Variants in PLK1 observed in about 807,000 individuals in gnomAD.
PLK1 encodes the protein serine/threonine-protein kinase PLK1.
In PLK1, 6 loss-of-function variants were observed where a neutral mutation model predicts 56.7. That is an observed-to-expected ratio of 0.11 (90% confidence interval 0.06 to 0.21). The LOEUF (loss-of-function observed/expected upper bound fraction) is 0.21. Among genes scored for constraint, PLK1 ranks in the 10% least tolerant of loss-of-function variants. The probability of loss-of-function intolerance (pLI) is 1.00; values close to 1 mark genes in which losing one functional copy is unlikely to be tolerated. For synonymous variants in PLK1, 298 were observed against 325.0 expected, an observed-to-expected ratio of 0.92 and a Z score of 0.89; for missense variants, 546 against 814.4, an observed-to-expected ratio of 0.67 and a Z score of 4.01.
At position 23,679,304 on chromosome 16, in the gene PLK1, C is replaced by T. The variant is rs1389753273; in HGVS notation, c.372C>T (p.Asp124=). Residue 124 remains aspartate (D), a synonymous_variant, in exon 1 of 10, where the codon GAC becomes GAT. Coordinates refer to ENST00000300093, the MANE Select transcript of PLK1 (RefSeq NM_005030.6). ...TCCACGGCTTTTTCGAGGACAACGA[C>T]TTCGTGTTCGTGGTGTTGGAGCTCT... The part of the protein sequence containing the change: ...VGFHGFFEDN[D]FVFVVLELCR... 3 of 1,613,710 alleles carry T rather than the reference C, an allele frequency of 1.9e-6. No individual in the cohort carries two copies. In the South Asian group the frequency reaches 3.3e-5, roughly 18 times the overall value.
At chr16:23,687,107 G>C (rs897869367) in intron 5 of PLK1, 5 of 165,262 alleles carry the variant, frequency 3.0e-5, no homozygotes, top group Admixed American at 1.3e-4. Flanking sequence ...AATCCATTCT[G>C]TGGATGAACT....
intron 7 of PLK1, 136 bp downstream of exon 7, chr16:23,688,881 C>G: frequency 1.4e-6 from 1 of 694,992 alleles, no homozygotes; most frequent in Non-Finnish European, 2.6e-6. Context: ...CCTCCCAGTT[C>G]CAGCTCCCAG....
In PLK1 at chr16:23,683,013, T is replaced by C. The variant is rs1463088369; in HGVS notation, c.816+856T>C. On this transcript the variant is annotated intron_variant, in intron 4 of 9. Transcript: ENST00000300093. ...TTTTTTTTTTTTTTTTTTTTTGAGA[T>C]GGAGTCTCGCTCTGTCGCCCAGGCT... Among the ~76,000 whole-genome samples the C allele has an allele frequency of 3.1e-5, 4 of 128,564 alleles. 1 individual carries two copies. The highest frequency in any genetic ancestry group is 2.6e-4 in the Admixed American group (3 of 11,546). 84.3% of individuals were successfully genotyped at this position (128,564 alleles called of 152,430 possible).
intron 7 of PLK1, 143 bp downstream of exon 7, chr16:23,688,888 C>G: frequency 1.5e-6 from 1 of 677,048 alleles, no homozygotes; most frequent in Non-Finnish European, 2.7e-6. Context: ...GTTCCAGCTC[C>G]CAGTGCTCCC....
chr16:23,684,433 G>A (rs1266138679), intron 5 of PLK1, among the ~76,000 whole-genome samples: 1 of 152,170 alleles, frequency 6.6e-6, no homozygotes, highest in Non-Finnish European at 1.5e-5. Context: ...GCTCACTGCA[G>A]CTTTCAACTC....
intron 6 of PLK1, among the ~76,000 whole-genome samples, chr16:23,688,169 C>T (rs1179418526): frequency 2.0e-5 from 3 of 152,172 alleles, no homozygotes; most frequent in East Asian, 1.9e-4. Flanking sequence ...ATGCACTGAA[C>T]GTAACATTTT....
intron 2 of PLK1, 68 bp downstream of exon 2, chr16:23,680,320 A>C: frequency 7.1e-7 from 1 of 1,410,702 alleles, no homozygotes; most frequent in East Asian, 2.3e-5. Context: ...GGAGGCTGGG[A>C]GAAAGGAAGG....
At chr16:23,680,380 G>T in intron 2 of PLK1, 128 bp downstream of exon 2, 4 of 673,214 alleles carry the variant, frequency 5.9e-6, no homozygotes, top group South Asian at 4.6e-5. Flanking sequence ...ATTTTTTTGT[G>T]CCCCAATGCA....
chr16:23,682,935 G>GT (rs1307237828), intron 4 of PLK1, among the ~76,000 whole-genome samples: 2 of 149,906 alleles, frequency 1.3e-5, no homozygotes, highest in African/African-American at 4.9e-5. Context: ...TCAGAATTAT[G>GT]AATCACTGTG....
chr16:23,683,800 C>T (rs995824743), intron 4 of PLK1, 70 bp from the exon 5 acceptor site: 6 of 1,211,382 alleles, frequency 5.0e-6, no homozygotes, highest in Non-Finnish European at 7.3e-6. Flanking sequence ...ACCTGCAGCT[C>T]CTTTGAGGCC....
chr16:23,679,410 G>C, intron 1 of PLK1, 70 bp downstream of exon 1: 1 of 1,440,954 alleles, frequency 6.9e-7, no homozygotes. Context: ...GGAGCTGCTG[G>C]AAAGAGTACC....
rs1463852128 is a variant in PLK1, at chr16:23,689,023, C to T, written c.1271-215C>T. On this transcript the variant is annotated intron_variant, in intron 7 of 9. Coordinates refer to ENST00000300093, the MANE Select transcript of PLK1 (RefSeq NM_005030.6). The surrounding 1 kb of genome is among the most constrained non-coding windows in gnomAD (Gnocchi z 4.8). ...CCAGGCCCCTAAGTAGCTGTGACTACAGGCGTGCACCATTATGCTCAGCTA... is the reference window on the plus strand; with the variant it reads ...CCAGGCCCCTAAGTAGCTGTGACTATAGGCGTGCACCATTATGCTCAGCTA... 6.6e-6 allele frequency among the ~76,000 whole-genome samples: 1 copy of T among 152,102 alleles called. No individual in the cohort carries two copies. Among genetic ancestry groups the T allele is most frequent in the Non-Finnish European group, 1.5e-5 (1 of 68,036 alleles).
At chr16:23,686,215 T>C (rs1959425194) in intron 5 of PLK1, among the ~76,000 whole-genome samples, 1 of 151,864 alleles carries the variant, frequency 6.6e-6, no homozygotes, top group Non-Finnish European at 1.5e-5. Flanking sequence ...ATTTTTAAAT[T>C]TTTGGTAGAG....
chr16:23,688,594 G>A (rs1959469019), intron 6 of PLK1, 74 bp from the exon 7 acceptor site: 1 of 1,191,006 alleles, frequency 8.4e-7, no homozygotes, highest in Non-Finnish European at 1.3e-6. Context: ...GTTCCCTGGT[G>A]TGGGCCACAT....
intron 6 of PLK1, among the ~76,000 whole-genome samples, chr16:23,688,244 G>A (rs949854157): frequency 5.9e-5 from 9 of 152,214 alleles, no homozygotes; most frequent in African/African-American, 2.2e-4. Flanking sequence ...AAAACTAGAT[G>A]CCTCTGACTC....
Position 23,680,950 on chromosome 16 carries a change from G to A in PLK1, c.614G>A (p.Gly205Glu), listed in dbSNP as rs1959322177. 3 of 1,611,982 alleles carry A rather than the reference G, an allele frequency of 1.9e-6. No individual in the cohort carries two copies. The highest frequency in any genetic ancestry group is 2.5e-6 in the Non-Finnish European group (3 of 1,179,210). Reference protein sequence around the residue: ...FGLATKVEYDGERKKTLCGTP... With the variant: ...FGLATKVEYDEERKKTLCGTP... ...CTGGCAACCAAAGTCGAATATGACGGGGAGAGGAAGAAGACCCTGTGTGGG... is the reference window on the plus strand; with the variant it reads ...CTGGCAACCAAAGTCGAATATGACGAGGAGAGGAAGAAGACCCTGTGTGGG... The change falls in exon 3 of 10, where the codon GGG (glycine) becomes GAG (glutamate). Residue 205 changes from glycine to glutamate, a missense_variant. Physicochemically the swap from Gly to Glu is moderately conservative, Grantham distance 98 (BLOSUM62 -2). Coordinates refer to ENST00000300093, the MANE Select transcript of PLK1 (RefSeq NM_005030.6).
At chr16:23,679,801 G>A (rs572737218) in intron 1 of PLK1, 3 of 339,150 alleles carry the variant, frequency 8.8e-6, no homozygotes, top group South Asian at 6.8e-5. Context: ...GGAGCTTCCG[G>A]AGTGGGGCTG....
In PLK1 at chr16:23,682,044, A is replaced by T; in HGVS notation, c.723-20A>T. 1 of 1,411,802 alleles carries T rather than the reference A, an allele frequency of 7.1e-7. No individual in the cohort carries two copies. Among genetic ancestry groups the T allele is most frequent in the East Asian group, 2.3e-5 (1 of 43,950 alleles). The allele number at this position is 1,411,802 out of a possible 1,614,324, so 87.5% of individuals were successfully genotyped here. On this transcript the variant is annotated intron_variant, in intron 3 of 9. Coordinates refer to ENST00000300093, the MANE Select transcript of PLK1 (RefSeq NM_005030.6). ...GTTGTGGCTGGGAGACTGGTGCCAA[A>T]TCCTACCTTGTGCTTACAGGTATAC... is the stretch of plus-strand genomic sequence containing the variant.
chr16:23,686,597 ACT>A, intron 5 of PLK1, among the ~76,000 whole-genome samples: 1 of 151,848 alleles, frequency 6.6e-6, no homozygotes, highest in East Asian at 1.9e-4. Context: ...CGTTCAAGTG[ACT>A]CTCCCACCTC....
Sources: gnomAD v4.1 joint callset for allele counts (sites outside exome capture counted in the v4.1 genomes callset) on GRCh38, gnomAD v4.1.1 for gene constraint, Gnocchi (gnomAD v3.1) non-coding constraint, MANE v1.5 for transcripts, NCBI Gene and HGNC (gene_info 2026-07-23, HGNC 2026-07-21) for gene names.